Variants in ABCA13 observed in about 807,000 individuals in gnomAD.
ABCA13 encodes the protein ATP binding cassette subfamily A member 13, also known as ATP-binding cassette sub-family A member 13.
A neutral mutation model predicts 478.7 loss-of-function variants in ABCA13; 476 were observed. The ratio of observed to expected loss-of-function variants is 0.99; its 90% CI spans 0.92 to 1.07. The LOEUF (loss-of-function observed/expected upper bound fraction) is 1.07. ABCA13 is among the 50% of genes least tolerant of loss of function. The pLI is 0.00. For synonymous variants in ABCA13, 2,252 were observed against 2,158.9 expected, an observed-to-expected ratio of 1.04 and a Z score of -1.20; for missense variants, 6,060 against 5,910.6, an observed-to-expected ratio of 1.03 and a Z score of -0.83.
intron 48 of ABCA13, among the ~76,000 whole-genome samples, chr7:48,494,264 G>A (rs1830080836): frequency 6.6e-6 from 1 of 152,150 alleles, no homozygotes; most frequent in South Asian, 2.1e-4. Flanking sequence ...TGCTTTTGAT[G>A]AAATGAGAAA....
At chr7:48,582,819 T>A (rs912678950) in intron 56 of ABCA13, among the ~76,000 whole-genome samples, 1 of 152,210 alleles carries the variant, frequency 6.6e-6, no homozygotes, top group Non-Finnish European at 1.5e-5. Context: ...TTTGACAAGT[T>A]AACAATGATT....
rs181316953 is a variant in ABCA13, at chr7:48,506,309, G to T, written c.13292-27G>T. On this transcript the variant is annotated intron_variant, in intron 48 of 61. Transcript: ENST00000435803. The stretch of plus-strand genomic sequence containing the variant: ...TTCACCATGCAGGAGCAGGCTGAAG[G>T]CTCACTTTTCAATTTGTCTTTCACA... 5.6e-5 allele frequency: 91 copies of T among 1,612,500 alleles called. No homozygotes were observed. In the African/African-American group the frequency reaches 1.1e-3, roughly 19 times the overall value.
Position 48,219,376 on chromosome 7 carries a change from G to A in ABCA13, c.310G>A (p.Ala104Thr), listed in dbSNP as rs764955840. ...AAGTTTGTCTAGGTTCCAAACTGCA[G>A]CTGACCCCAAGAAAGTCAACAACCT... ...HFRLSRFQTAADPKKVNNLAF... is the reference protein window; with the variant it reads ...HFRLSRFQTATDPKKVNNLAF... Residue 104 changes from alanine (A) to threonine (T), a missense_variant, in exon 4 of 62, where the codon GCT becomes ACT. Coordinates refer to ENST00000435803, the MANE Select transcript of ABCA13 (RefSeq NM_152701.5). 2 of 1,612,168 alleles carry A rather than the reference G, an allele frequency of 1.2e-6. No individual in the cohort carries two copies. The highest frequency in any genetic ancestry group is 1.7e-5 in the Admixed American group (1 of 59,632).
At position 48,275,803 on chromosome 7, in the gene ABCA13, T is replaced by C. The variant is rs770523741; in HGVS notation, c.6137T>C (p.Ile2046Thr). 13 of 1,612,542 alleles carry C rather than the reference T, an allele frequency of 8.1e-6. No homozygotes were observed. In the Admixed American group the frequency reaches 2.0e-4, roughly 25 times the overall value. Residue 2046 changes from isoleucine (I) to threonine (T), a missense_variant, in exon 17 of 62, where the codon ATT becomes ACT. This residue lies in a region of ABCA13 where 4,423 missense variants were observed against 4,309.1 expected (regional missense o/e 1.03). Coordinates refer to ENST00000435803, the MANE Select transcript of ABCA13 (RefSeq NM_152701.5). The part of the protein sequence containing the change: ...GSSLEALSSF[I>T]EKSETPYNFE... ...AGTTTAGAAGCATTATCAAGTTTTA[T>C]TGAAAAAAGTGAAACACCTTACAAC...
intron 48 of ABCA13, among the ~76,000 whole-genome samples, chr7:48,493,811 C>G (rs1044068723): frequency 6.6e-6 from 1 of 152,154 alleles, no homozygotes; most frequent in Non-Finnish European, 1.5e-5. Flanking sequence ...TGGAGTAAGT[C>G]TTTAACAGCA....
intron 19 of ABCA13, among the ~76,000 whole-genome samples, chr7:48,287,339 A>T (rs1422784973): frequency 6.6e-6 from 1 of 152,162 alleles, no homozygotes; most frequent in African/African-American, 2.4e-5. Context: ...CGTAAGGCAG[A>T]TTGGAAGGGT....
intron 54 of ABCA13, among the ~76,000 whole-genome samples, chr7:48,526,555 G>A (rs1832903128): frequency 6.6e-6 from 1 of 152,116 alleles, no homozygotes; most frequent in Admixed American, 6.6e-5. Flanking sequence ...GTCATTAGGT[G>A]ATTTCATTAT....
chr7:48,381,341 T>C (rs1038677308), intron 35 of ABCA13, among the ~76,000 whole-genome samples: 2 of 151,820 alleles, frequency 1.3e-5, no homozygotes, highest in African/African-American at 4.8e-5. Context: ...GAAATTTCTC[T>C]CTTTTGCTCT....
chr7:48,296,572 T>C (rs1799404070), intron 21 of ABCA13, among the ~76,000 whole-genome samples: 1 of 151,480 alleles, frequency 6.6e-6, no homozygotes, highest in Non-Finnish European at 1.5e-5. Context: ...CCATTCTCCC[T>C]CCTCAGCCTC....
chr7:48,524,003 T>A (rs1832727803), intron 53 of ABCA13, among the ~76,000 whole-genome samples: 1 of 152,186 alleles, frequency 6.6e-6, no homozygotes, highest in Non-Finnish European at 1.5e-5. Context: ...CTAGCTCTAG[T>A]TTAGTGCCAA....
rs200518247 is a variant in ABCA13 at position 48,181,447 on chromosome 7, CTTCA to C, written c.69+9901_69+9904del. The stretch of plus-strand genomic sequence containing the variant: ...TAATTTCAAAACTACTGAAATTATA[CTTCA>C]TTCATCCATAGCTTTGATCAATTTT... On this transcript the variant is annotated intron_variant, in intron 1 of 61. Transcript: ENST00000435803. Among the ~76,000 whole-genome samples, 539 of 151,686 alleles carry C rather than the reference CTTCA, an allele frequency of 3.6e-3. 5 individuals carry two copies. The highest frequency in any genetic ancestry group is 0.012 in the African/African-American group (512 of 41,346).
chr7:48,569,437 A>G (rs1787390428), intron 55 of ABCA13, among the ~76,000 whole-genome samples: 1 of 152,092 alleles, frequency 6.6e-6, no homozygotes, highest in African/African-American at 2.4e-5. Flanking sequence ...TTGCTTCTGT[A>G]TTGATTTTTA....
intron 50 of ABCA13, 68 bp from the exon 51 acceptor site, chr7:48,511,016 T>C: frequency 1.6e-6 from 2 of 1,262,486 alleles, no homozygotes; most frequent in Non-Finnish European, 2.3e-6. Flanking sequence ...AACTTCAGGA[T>C]AAGTAGATGA....
rs1815666082 is a variant in ABCA13, at chr7:48,389,221, G to T, written c.11654+1G>T. Reference sequence around the variant, plus strand: ...ACGGTGCCGGGAAAACCACTATCATGTGGGTCCCATTTTACCCTTATCAAA... The same window carrying T: ...ACGGTGCCGGGAAAACCACTATCATTTGGGTCCCATTTTACCCTTATCAAA... On this transcript the variant is annotated splice_donor_variant, in intron 37 of 61. Transcript: ENST00000435803. LOFTEE classifies it high-confidence loss of function. 1 of 1,612,386 alleles carries T rather than the reference G, an allele frequency of 6.2e-7. No homozygotes were observed. Among genetic ancestry groups the T allele is most frequent in the South Asian group, 1.1e-5 (1 of 90,860 alleles).
At chr7:48,254,300 A>G (rs1056041118) in intron 15 of ABCA13, among the ~76,000 whole-genome samples, 26 of 151,892 alleles carry the variant, frequency 1.7e-4, no homozygotes, top group South Asian at 4.1e-4. Context: ...GTCTCACTCT[A>G]TTGCCCAGGG....
rs541051982 is a variant in ABCA13 at position 48,518,570 on chromosome 7, T to G, written c.13798-1471T>G. Among the ~76,000 whole-genome samples, 120 of 152,302 alleles carry G rather than the reference T, an allele frequency of 7.9e-4. 3 individuals carry two copies. The South Asian group carries it at 0.024, about 30-fold the overall frequency. ...TGAAGTGTTTGCCAGAAAATGGATC[T>G]AAATCAATTGGTAACAAGTAATTAA... On this transcript the variant is annotated intron_variant, in intron 52 of 61. Coordinates refer to ENST00000435803, the MANE Select transcript of ABCA13 (RefSeq NM_152701.5).
intron 56 of ABCA13, 49 bp downstream of exon 56, chr7:48,580,423 T>A (rs562750900): frequency 1.3e-6 from 2 of 1,572,498 alleles, no homozygotes; most frequent in South Asian, 2.3e-5. Flanking sequence ...TGAGGAATGC[T>A]TGGTGACCAC....
Position 48,248,308 on chromosome 7 carries a change from G to T in ABCA13, c.1729G>T (p.Asp577Tyr). ...AGTTTTAATACCTGAAGAATATTTGGACTGGCAGGAACTTGAGATGCAGCT... is the reference window on the plus strand; with the variant it reads ...AGTTTTAATACCTGAAGAATATTTGTACTGGCAGGAACTTGAGATGCAGCT... ...MSVLIPEEYL[D>Y]WQELEMQLSE... Residue 577 changes from aspartate (D) to tyrosine (Y), a missense_variant, in exon 14 of 62, where the codon GAC (aspartate) becomes TAC (tyrosine). Physicochemically the swap from Asp to Tyr is radical, Grantham distance 160. This residue lies in a region of ABCA13 where 4,423 missense variants were observed against 4,309.1 expected (regional missense o/e 1.03). Coordinates refer to ENST00000435803, the MANE Select transcript of ABCA13 (RefSeq NM_152701.5). The T allele has an allele frequency of 1.9e-6, 3 of 1,613,878 alleles. No homozygotes were observed. The highest frequency in any genetic ancestry group is 2.5e-6 in the Non-Finnish European group (3 of 1,179,806).
At chr7:48,215,102 T>G (rs920278156) in intron 3 of ABCA13, among the ~76,000 whole-genome samples, 1 of 152,078 alleles carries the variant, frequency 6.6e-6, no homozygotes, top group African/African-American at 2.4e-5. Context: ...GCAACAAGAG[T>G]GAGACTCTGT....
Sources: allele counts gnomAD v4.1 joint callset (sites outside exome capture counted in the v4.1 genomes callset), GRCh38; gene constraint gnomAD v4.1.1; regional missense constraint gnomAD v4.1.1; transcripts MANE v1.5; gene names NCBI Gene and HGNC (gene_info 2026-07-23, HGNC 2026-07-21).